ELAVL2: variants seen among roughly 807,000 people sequenced by gnomAD.
ELAVL2 encodes the protein ELAV-like protein 2.
ELAVL2 carries 4 observed loss-of-function variants against 34.6 expected under a neutral mutation model. The ratio of observed to expected loss-of-function variants is 0.12; its 90% confidence interval spans 0.06 to 0.26. The LOEUF (loss-of-function observed/expected upper bound fraction) is 0.26. Ranked by LOEUF, ELAVL2 falls within the 10% of genes least tolerant of loss-of-function variation. The probability of loss-of-function intolerance (pLI) is 1.00; values close to 1 mark genes in which losing one functional copy is unlikely to be tolerated. For missense variants in ELAVL2, 432 were observed against 442.8 expected (o/e 0.98, Z 0.22); for synonymous variants, 193 against 154.8 (o/e 1.25, Z -1.83).
chr9:23,823,738 CT>C (rs2065102975), intron 1 of ELAVL2, among the ~76,000 whole-genome samples: 1 of 152,218 alleles, frequency 6.6e-6, no homozygotes, highest in Non-Finnish European at 1.5e-5. Context: ...ATTTCCTACC[CT>C]TCTGTTCCCC....
chr9:23,813,425 T>A (rs1465992543), intron 1 of ELAVL2, among the ~76,000 whole-genome samples: 3 of 152,030 alleles, frequency 2.0e-5, no homozygotes, highest in Non-Finnish European at 4.4e-5. Flanking sequence ...TTTTTTTTTT[T>A]TTTTACAACA....
the ELAVL2 span, among the ~76,000 whole-genome samples, chr9:23,832,985 T>C: frequency 6.6e-6 from 1 of 152,090 alleles, no homozygotes; most frequent in South Asian, 2.1e-4. Flanking sequence ...ATATAGGTCA[T>C]GAAATCTCAA....
At chr9:23,844,316 C>A in the ELAVL2 span, among the ~76,000 whole-genome samples, 1 of 152,060 alleles carries the variant, frequency 6.6e-6, no homozygotes, top group African/African-American at 2.4e-5. Context: ...CAGGTTCTAG[C>A]ACGGTGCCTA....
rs2063016791 is a variant in ELAVL2, at chr9:23,811,629, T to C, written c.-16+14177A>G. Among the ~76,000 whole-genome samples, 3 of 152,316 alleles carry C rather than the reference T, an allele frequency of 2.0e-5. No individual in the cohort carries two copies. The South Asian group carries it at 6.2e-4, about 32-fold the overall frequency. The stretch of plus-strand genomic sequence containing the variant: ...TTATTTTGACTTTTTCCTAGGTGTT[T>C]TGAAAAATAAATGTTATACCCAGAG... On this transcript the variant is annotated intron_variant, in intron 1 of 6. Transcript: ENST00000397312.
At chr9:23,848,833 T>A in the ELAVL2 span, among the ~76,000 whole-genome samples, 1 of 152,184 alleles carries the variant, frequency 6.6e-6, no homozygotes, top group Non-Finnish European at 1.5e-5. Flanking sequence ...TATTTCTGTT[T>A]CCATCCCAAC....
intron 1 of ELAVL2, among the ~76,000 whole-genome samples, chr9:23,780,024 A>C (rs1051282294): frequency 3.3e-4 from 39 of 116,694 alleles, no homozygotes; most frequent in Non-Finnish European, 5.4e-4. Flanking sequence ...AAAAAAAAAA[A>C]AAAAAAAAAA....
intron 1 of ELAVL2, among the ~76,000 whole-genome samples, chr9:23,789,958 T>C (rs1326314042): frequency 6.6e-6 from 1 of 152,108 alleles, no homozygotes; most frequent in Non-Finnish European, 1.5e-5. Flanking sequence ...GTAACCATGT[T>C]CCTAAATTAC....
At chr9:23,753,148 T>C (rs989946901) in intron 2 of ELAVL2, among the ~76,000 whole-genome samples, 2 of 152,176 alleles carry the variant, frequency 1.3e-5, no homozygotes, top group East Asian at 1.9e-4. Context: ...ACAAATCGAA[T>C]GACACTCAAA....
chr9:23,766,001 G>C (rs1182133140), intron 1 of ELAVL2, among the ~76,000 whole-genome samples: 2 of 152,116 alleles, frequency 1.3e-5, no homozygotes, highest in Admixed American at 6.6e-5. Context: ...CATATATGCA[G>C]ATGCTTCAAA....
chr9:23,738,763 C>A lies in ELAVL2; in HGVS notation c.230-7638G>T, dbSNP rs116924954. On this transcript the variant is annotated intron_variant, in intron 2 of 6. Coordinates refer to ENST00000397312, the MANE Select transcript of ELAVL2 (RefSeq NM_004432.5). ...TGAAATCAAAGCTGCAAATAGTGATCATTTGGTAAATATTACCTAAGCAGC... is the reference window on the plus strand; with the variant it reads ...TGAAATCAAAGCTGCAAATAGTGATAATTTGGTAAATATTACCTAAGCAGC... Among the ~76,000 whole-genome samples the A allele has an allele frequency of 6.9e-3, 1,057 of 152,242 alleles. 9 individuals are homozygous for A. The highest frequency in any genetic ancestry group is 0.032 in the Admixed American group (491 of 15,302).
intron 2 of ELAVL2, among the ~76,000 whole-genome samples, chr9:23,744,666 CAT>C (rs1461081076): frequency 6.6e-6 from 1 of 151,774 alleles, no homozygotes; most frequent in Non-Finnish European, 1.5e-5. Flanking sequence ...AGCAAGAAAA[CAT>C]ATATATACTG....
the ELAVL2 span, among the ~76,000 whole-genome samples, chr9:23,838,928 A>G: frequency 1.3e-5 from 2 of 152,118 alleles, no homozygotes; most frequent in South Asian, 2.1e-4. Flanking sequence ...AGTTAATTCA[A>G]TTTTCATATT....
chr9:23,782,114 C>A (rs952012562), intron 1 of ELAVL2, among the ~76,000 whole-genome samples: 2 of 152,138 alleles, frequency 1.3e-5, no homozygotes, highest in Admixed American at 6.5e-5. Context: ...AGCCACCATG[C>A]CCGACCAAGA....
intron 1 of ELAVL2, among the ~76,000 whole-genome samples, chr9:23,823,434 C>A (rs142098651): frequency 2.6e-5 from 4 of 152,292 alleles, no homozygotes; most frequent in Admixed American, 1.3e-4. Flanking sequence ...ACCACTTCTT[C>A]CTACAACCGT....
chr9:23,742,449 A>T (rs1010505223), intron 2 of ELAVL2, among the ~76,000 whole-genome samples: 1 of 152,194 alleles, frequency 6.6e-6, no homozygotes, highest in East Asian at 1.9e-4. Context: ...TTCGCATACA[A>T]TATGGTGACA....
intron 1 of ELAVL2, among the ~76,000 whole-genome samples, chr9:23,769,964 T>C (rs747035465): frequency 1.3e-5 from 2 of 152,154 alleles, no homozygotes; most frequent in Non-Finnish European, 2.9e-5. Flanking sequence ...CTAAGTCCAT[T>C]ACAGGTATCC....
Position 23,690,115 on chromosome 9 carries a change from CTTTG to C in ELAVL2, c.*2438_*2441del, listed in dbSNP as rs1209045076. ...TCACCACACTGTTCTTTCCCTTCAA[CTTTG>C]TTTATTGATGTACTGAACATGAAAA... On this transcript the variant is annotated 3_prime_UTR_variant, in exon 7 of 7. Transcript: ENST00000397312. 1 of 152,470 alleles carries C rather than the reference CTTTG, an allele frequency of 6.6e-6. No individual in the cohort carries two copies. 9.4% of individuals were successfully genotyped at this position (152,470 alleles called of 1,614,324 possible). A position where few individuals can be genotyped will look rare whatever the true frequency, so the allele number is the denominator to read the frequency against.
At chr9:23,763,827 C>T (rs1035636223) in intron 1 of ELAVL2, among the ~76,000 whole-genome samples, 4 of 152,016 alleles carry the variant, frequency 2.6e-5, no homozygotes, top group Non-Finnish European at 5.9e-5. Context: ...AACCTGTAAC[C>T]CCTCTGTGAC....
chr9:23,800,554 A>T (rs773677020), intron 1 of ELAVL2, among the ~76,000 whole-genome samples: 1 of 152,176 alleles, frequency 6.6e-6, no homozygotes, highest in Non-Finnish European at 1.5e-5. Flanking sequence ...TATGCTTAAG[A>T]TATCAGATGG....
Sources: gnomAD v4.1 joint callset for allele counts (sites outside exome capture counted in the v4.1 genomes callset) on GRCh38, gnomAD v4.1.1 for gene constraint, MANE v1.5 for transcripts, NCBI Gene and HGNC (gene_info 2026-07-23, HGNC 2026-07-21) for gene names.